Variants in PCCA observed in about 807,000 individuals in gnomAD.
PCCA encodes propionyl-CoA carboxylase alpha chain, mitochondrial.
PCCA carries 74 observed loss-of-function variants against 101.3 expected under a neutral mutation model. That is an observed-to-expected ratio of 0.73 (90% CI 0.61 to 0.89). PCCA has a LOEUF of 0.89. Among genes scored for constraint, PCCA ranks in the 40% least tolerant of loss-of-function variants. The pLI is 0.00. For missense variants in PCCA, 891 were observed against 907.0 expected (o/e 0.98, Z 0.23); for synonymous variants, 294 against 313.6 (o/e 0.94, Z 0.66).
chr13:100,296,775 A>G (rs1186065557), intron 12 of PCCA, among the ~76,000 whole-genome samples: 1 of 152,182 alleles, frequency 6.6e-6, no homozygotes, highest in Non-Finnish European at 1.5e-5. Context: ...AAATTTTCTT[A>G]TGTAACTATA....
chr13:100,147,234 T>C (rs1350725916), intron 4 of PCCA, among the ~76,000 whole-genome samples: 1 of 152,138 alleles, frequency 6.6e-6, no homozygotes, highest in Non-Finnish European at 1.5e-5. Context: ...CAGGGAATAA[T>C]GGTTATCTGG....
chr13:100,269,388 C>T (rs1046993677), intron 11 of PCCA, among the ~76,000 whole-genome samples: 5 of 152,184 alleles, frequency 3.3e-5, no homozygotes, highest in East Asian at 3.9e-4. Context: ...TGGTACTTCA[C>T]GGGATTTCTG....
intron 6 of PCCA, among the ~76,000 whole-genome samples, chr13:100,172,805 C>G (rs1376461096): frequency 6.6e-6 from 1 of 152,190 alleles, no homozygotes; most frequent in Non-Finnish European, 1.5e-5. Context: ...CCTAGCAGCC[C>G]TATAGACAGG....
At chr13:100,156,149 C>A (rs570983446) in intron 5 of PCCA, among the ~76,000 whole-genome samples, 1 of 152,260 alleles carries the variant, frequency 6.6e-6, no homozygotes, top group South Asian at 2.1e-4. Context: ...CTCACTGCAA[C>A]CTCTGTCCCG....
chr13:100,324,610 A>G (rs531369548), intron 16 of PCCA, among the ~76,000 whole-genome samples: 1 of 152,346 alleles, frequency 6.6e-6, no homozygotes, highest in African/African-American at 2.4e-5. Flanking sequence ...AAACTTACAC[A>G]AACAGAGACC....
chr13:100,525,900 G>T (rs1249577677), intron 22 of PCCA, among the ~76,000 whole-genome samples: 1 of 152,212 alleles, frequency 6.6e-6, no homozygotes, highest in African/African-American at 2.4e-5. Context: ...GCGGGAGAGT[G>T]GATTCCTCAT....
At chr13:100,250,237 T>A (rs2061671623) in intron 8 of PCCA, among the ~76,000 whole-genome samples, 1 of 152,124 alleles carries the variant, frequency 6.6e-6, no homozygotes, top group Non-Finnish European at 1.5e-5. Flanking sequence ...GTACAAGAAA[T>A]TTCTCTTTAT....
In PCCA at chr13:100,273,093, G is replaced by A. The variant is rs1158438806; in HGVS notation, c.915-103G>A. The A allele has an allele frequency of 6.3e-6, 5 of 788,362 alleles. No individual in the cohort carries two copies. The African/African-American group carries it at 8.6e-5, about 14-fold the overall frequency. 48.8% of individuals were successfully genotyped at this position (788,362 alleles called of 1,614,324 possible). On this transcript the variant is annotated intron_variant, in intron 11 of 23. Transcript: ENST00000376285. ...TTTGAATTCTTAAATTGGTATAGAT[G>A]ATCTATATCTGAGTAAACTTTAAGA...
chr13:100,185,310 T>C (rs1219868578), intron 6 of PCCA, among the ~76,000 whole-genome samples: 1 of 152,100 alleles, frequency 6.6e-6, no homozygotes, highest in Admixed American at 6.6e-5. Flanking sequence ...CTTTCTGTCT[T>C]TGTTTCTTTC....
intron 6 of PCCA, among the ~76,000 whole-genome samples, chr13:100,203,800 C>G (rs1013380584): frequency 6.6e-6 from 1 of 152,174 alleles, no homozygotes; most frequent in African/African-American, 2.4e-5. Context: ...ATTTTAAAAT[C>G]AGTGACTCAT....
At chr13:100,262,149 T>C (rs973568533) in intron 9 of PCCA, among the ~76,000 whole-genome samples, 1 of 152,102 alleles carries the variant, frequency 6.6e-6, no homozygotes, top group South Asian at 2.1e-4. Context: ...TCCCAGCACT[T>C]TGGGAGGCTG....
At chr13:100,387,949 T>C (rs2076603751) in intron 19 of PCCA, among the ~76,000 whole-genome samples, 1 of 152,194 alleles carries the variant, frequency 6.6e-6, no homozygotes, top group South Asian at 2.1e-4. Context: ...TGAATGGTAT[T>C]GGTTGTTATA....
At chr13:100,396,525 G>T (rs1053523263) in intron 19 of PCCA, among the ~76,000 whole-genome samples, 12 of 152,218 alleles carry the variant, frequency 7.9e-5, no homozygotes, top group African/African-American at 2.2e-4. Context: ...AAAATTCTTG[G>T]AAAGTTTTAA....
At chr13:100,187,567 CAT>C (rs1389296163) in intron 6 of PCCA, among the ~76,000 whole-genome samples, 9 of 152,226 alleles carry the variant, frequency 5.9e-5, no homozygotes, top group East Asian at 1.9e-4. Flanking sequence ...GATATTTACA[CAT>C]GAGTTAGAGT....
intron 6 of PCCA, among the ~76,000 whole-genome samples, chr13:100,165,095 G>C (rs1423600103): frequency 6.6e-6 from 1 of 152,138 alleles, no homozygotes; most frequent in Non-Finnish European, 1.5e-5. Context: ...TGGGCTGTTT[G>C]TACCTTTTGG....
intron 1 of PCCA, among the ~76,000 whole-genome samples, chr13:100,098,847 G>C (rs1006894314): frequency 2.0e-5 from 3 of 152,170 alleles, no homozygotes; most frequent in Non-Finnish European, 4.4e-5. Context: ...TGGTCTCTAA[G>C]ATCCTGAAGA....
At chr13:100,161,587 A>G (rs1027700357) in intron 6 of PCCA, 3 of 152,168 alleles carry the variant, frequency 2.0e-5, no homozygotes, top group Non-Finnish European at 4.4e-5. Context: ...ACTTTGTTTA[A>G]CAATTTTTTT....
At chr13:100,309,984 A>G (rs986318080) in intron 16 of PCCA, 76 bp downstream of exon 16, 55 of 1,029,082 alleles carry the variant, frequency 5.3e-5, no homozygotes, top group Admixed American at 3.4e-4. Flanking sequence ...GGGTTTACCA[A>G]TGAGAATATG....
chr13:100,167,704 G>C (rs2055190207), intron 6 of PCCA, among the ~76,000 whole-genome samples: 1 of 152,100 alleles, frequency 6.6e-6, no homozygotes, highest in African/African-American at 2.4e-5. Flanking sequence ...GTGTGAAGTA[G>C]GGTCTAAATT....
Sources: gnomAD v4.1 joint callset for allele counts (sites outside exome capture counted in the v4.1 genomes callset) on GRCh38, gnomAD v4.1.1 for gene constraint, MANE v1.5 for transcripts, NCBI Gene and HGNC (gene_info 2026-07-23, HGNC 2026-07-21) for gene names.